Variants in PLBD1 observed in about 807,000 individuals in gnomAD.
PLBD1 encodes lysosomal leucine aminopeptidase.
A neutral mutation model predicts 63.0 loss-of-function variants in PLBD1; 60 were observed. The observed-to-expected ratio is 0.95, with a 90% CI of 0.77 to 1.18. The LOEUF (loss-of-function observed/expected upper bound fraction) is 1.18. PLBD1 is among the 50% of genes most tolerant of loss of function. The pLI, the probability that PLBD1 is intolerant of heterozygous loss-of-function variation, is 0.00. For synonymous variants in PLBD1, 262 were observed against 248.0 expected, an observed-to-expected ratio of 1.06 and a Z score of -0.53; for missense variants, 598 against 677.9, an observed-to-expected ratio of 0.88 and a Z score of 1.31.
intron 1 of PLBD1, among the ~76,000 whole-genome samples, chr12:14,555,236 C>A (rs79736525): frequency 0.03 from 4,603 of 152,222 alleles, 237 homozygotes; most frequent in African/African-American, 0.11. Context: ...TCAATAGTTT[C>A]TATTTCTTAA....
intron 6 of PLBD1, among the ~76,000 whole-genome samples, chr12:14,534,251 G>A (rs1401105933): frequency 6.6e-5 from 10 of 152,178 alleles, no homozygotes; most frequent in Admixed American, 4.6e-4. Context: ...TTACGGATGC[G>A]TAATTAAAGG....
chr12:14,506,104 C>A, intron 10 of PLBD1, 58 bp downstream of exon 10: 1 of 1,226,490 alleles, frequency 8.2e-7, no homozygotes, highest in Non-Finnish European at 1.2e-6. Context: ...TGCAACTTTG[C>A]CTTTGGAGAG....
At chr12:14,548,864 C>T (rs1225168513) in intron 2 of PLBD1, among the ~76,000 whole-genome samples, 1 of 152,102 alleles carries the variant, frequency 6.6e-6, no homozygotes, top group Non-Finnish European at 1.5e-5. Context: ...TTTCAGCAGC[C>T]GCGTGAACAA....
chr12:14,540,657 T>G lies in PLBD1; in HGVS notation c.558+107A>C, dbSNP rs1450465247. 3.4e-6 allele frequency: 4 copies of G among 1,186,456 alleles called. No homozygotes were observed. In the Admixed American group the frequency reaches 7.6e-5, roughly 22 times the overall value. The allele number at this position is 1,186,456 out of a possible 1,614,324, so 73.5% of individuals were successfully genotyped here. ...GTTCTTTTCCGTAAGGAATTTATAC[T>G]GTAGTTCTACTTTGACCTGCTTCTA... On this transcript the variant is annotated intron_variant, in intron 4 of 10. Coordinates refer to ENST00000240617, the MANE Select transcript of PLBD1 (RefSeq NM_024829.6).
chr12:14,546,156 T>G (rs1945614559), intron 2 of PLBD1, among the ~76,000 whole-genome samples: 1 of 151,988 alleles, frequency 6.6e-6, no homozygotes. Context: ...ACCCTGTCTC[T>G]ACTAAAAATA....
intron 2 of PLBD1, among the ~76,000 whole-genome samples, chr12:14,544,543 G>C (rs1163572216): frequency 6.6e-6 from 1 of 152,074 alleles, no homozygotes; most frequent in Non-Finnish European, 1.5e-5. Flanking sequence ...GTTGCCTCTA[G>C]TCTCTTTTTC....
intron 6 of PLBD1, among the ~76,000 whole-genome samples, chr12:14,531,498 T>A (rs1489278977): frequency 6.6e-6 from 1 of 152,128 alleles, no homozygotes; most frequent in Non-Finnish European, 1.5e-5. Flanking sequence ...TTACCCAGAG[T>A]GTTAAAAAAA....
In PLBD1 at chr12:14,556,972, A is replaced by G. The variant is rs112511054; in HGVS notation, c.116-3560T>C. ...TGCACTTCAGCCTGGGCAACAAACA[A>G]GAGCGGAATTCCCTCTCAAAAAAAA... On this transcript the variant is annotated intron_variant, in intron 1 of 10. Coordinates refer to ENST00000240617, the MANE Select transcript of PLBD1 (RefSeq NM_024829.6). Among the ~76,000 whole-genome samples the G allele has an allele frequency of 5.0e-3, 646 of 128,084 alleles. 2 individuals carry two copies. The highest frequency in any genetic ancestry group is 0.018 in the African/African-American group (619 of 35,242). 84.0% of individuals were successfully genotyped at this position (128,084 alleles called of 152,430 possible).
rs140915191 is a variant in PLBD1, at chr12:14,540,263, C to T, written c.558+501G>A. Among the ~76,000 whole-genome samples, 358 of 150,724 alleles carry T rather than the reference C, an allele frequency of 2.4e-3. 1 individual carries two copies. Among genetic ancestry groups the T allele is most frequent in the East Asian group, 4.7e-3 (24 of 5,118 alleles). ...TTTTTCATTTAGACATATATTATCA[C>T]GGGAAATAAAATATCCATAATTTTG... On this transcript the variant is annotated intron_variant, in intron 4 of 10. Transcript: ENST00000240617.
At position 14,535,823 on chromosome 12, in the gene PLBD1, G is replaced by A; in HGVS notation, c.700-20C>T. 5 of 1,611,234 alleles carry A rather than the reference G, an allele frequency of 3.1e-6. No individual in the cohort carries two copies. Among genetic ancestry groups the A allele is most frequent in the Non-Finnish European group, 4.2e-6 (5 of 1,178,716 alleles). On this transcript the variant is annotated intron_variant, in intron 5 of 10. Coordinates refer to ENST00000240617, the MANE Select transcript of PLBD1 (RefSeq NM_024829.6). ...AAGAACCTACAGCCAGAATCATAGT[G>A]GATTACACAGATGTACATAGCTAAC...
chr12:14,558,519 G>A (rs1365005552), intron 1 of PLBD1, among the ~76,000 whole-genome samples: 1 of 152,108 alleles, frequency 6.6e-6, no homozygotes, highest in African/African-American at 2.4e-5. Flanking sequence ...GAGCGTTGTA[G>A]GGAAATGAGG....
Position 14,553,414 on chromosome 12 carries a change from T to C in PLBD1, c.116-2A>G, listed in dbSNP as rs1158608794. ...AGTATGCAGTTGCATAGTAGACTCC[T>C]AGAAGAAAAGGGAATAATGACAAAA... is the stretch of plus-strand genomic sequence containing the variant. On this transcript the variant is annotated splice_acceptor_variant, in intron 1 of 10. Coordinates refer to ENST00000240617, the MANE Select transcript of PLBD1 (RefSeq NM_024829.6). LOFTEE classifies it high-confidence loss of function. 2 of 1,611,140 alleles carry C rather than the reference T, an allele frequency of 1.2e-6. No homozygotes were observed. The highest frequency in any genetic ancestry group is 1.7e-6 in the Non-Finnish European group (2 of 1,177,672).
chr12:14,540,053 T>TATATACACAC (rs1555147116), intron 4 of PLBD1, among the ~76,000 whole-genome samples: 7 of 87,354 alleles, frequency 8.0e-5, no homozygotes, highest in African/African-American at 2.3e-4. Flanking sequence ...TATATATATA[T>TATATACACAC]ACACACACAC....
chr12:14,507,822 C>G (rs185191421), intron 8 of PLBD1, among the ~76,000 whole-genome samples: 6 of 152,178 alleles, frequency 3.9e-5, no homozygotes, highest in African/African-American at 1.4e-4. Flanking sequence ...ACATAGCCTA[C>G]TAGTCACTGA....
At chr12:14,551,975 T>C (rs1271174896) in intron 2 of PLBD1, among the ~76,000 whole-genome samples, 1 of 152,196 alleles carries the variant, frequency 6.6e-6, no homozygotes, top group African/African-American at 2.4e-5. Context: ...GAGATTTGTA[T>C]GGTAGGGTAA....
intron 6 of PLBD1, among the ~76,000 whole-genome samples, chr12:14,527,637 T>C (rs1361013488): frequency 6.6e-6 from 1 of 152,208 alleles, no homozygotes; most frequent in Non-Finnish European, 1.5e-5. Context: ...ATGCAGTTGC[T>C]AGTACTACAC....
chr12:14,507,833 G>A (rs549254487), intron 8 of PLBD1, among the ~76,000 whole-genome samples: 1 of 152,284 alleles, frequency 6.6e-6, no homozygotes, highest in Admixed American at 6.5e-5. Context: ...TAGTCACTGA[G>A]CACCAAATAT....
At chr12:14,528,425 GA>G (rs1396579927) in intron 6 of PLBD1, among the ~76,000 whole-genome samples, 2 of 134,688 alleles carry the variant, frequency 1.5e-5, no homozygotes, top group African/African-American at 2.5e-5. Flanking sequence ...AATTAAATTG[GA>G]AAACAGTGAC....
At chr12:14,530,478 T>C (rs1327645284) in intron 6 of PLBD1, among the ~76,000 whole-genome samples, 2 of 152,104 alleles carry the variant, frequency 1.3e-5, no homozygotes, top group African/African-American at 4.8e-5. Context: ...TAAATACATA[T>C]GAGCAACAAA....
Sources: gnomAD v4.1 joint callset for allele counts (sites outside exome capture counted in the v4.1 genomes callset) on GRCh38, gnomAD v4.1.1 for gene constraint, MANE v1.5 for transcripts, NCBI Gene and HGNC (gene_info 2026-07-23, HGNC 2026-07-21) for gene names.